The following IGF2 variants were observed in gnomAD, a reference collection of about 807,000 sequenced individuals.
IGF2 encodes insulin-like growth factor 2.
A neutral mutation model predicts 12.0 loss-of-function variants in IGF2; 2 were observed. That is an observed-to-expected ratio of 0.17 (90% CI 0.07 to 0.52). IGF2 has a LOEUF of 0.52. Among genes scored for constraint, IGF2 ranks in the 20% least tolerant of loss-of-function variants. The pLI is 0.95. For missense variants in IGF2, 211 were observed against 268.0 expected (o/e 0.79, Z 1.48); for synonymous variants, 105 against 110.1 (o/e 0.95, Z 0.29).
At chr11:2,135,257 C>G in intron 2 of IGF2, 110 bp downstream of exon 2, 2 of 1,005,190 alleles carry the variant, frequency 2.0e-6, no homozygotes, top group Middle Eastern at 3.0e-4. Context: ...TCAGAGCAAG[C>G]GGCTGGGCTG....
Position 2,132,156 on chromosome 11 carries a change from T to C in IGF2, c.*831A>G, listed in dbSNP as rs1285213684. 1 of 208,058 alleles carries C rather than the reference T, an allele frequency of 4.8e-6. No homozygotes were observed. Among genetic ancestry groups the C allele is most frequent in the African/African-American group, 2.3e-5 (1 of 43,830 alleles). 12.9% of individuals were successfully genotyped at this position (208,058 alleles called of 1,614,324 possible). ...GTGCTTTTTAGGATGGGAATTGAGA[T>C]GTAAGATTTGGGGGTGAGGGTCGTG... is the stretch of plus-strand genomic sequence containing the variant. On this transcript the variant is annotated 3_prime_UTR_variant, in exon 4 of 4. Coordinates refer to ENST00000416167, the MANE Select transcript of IGF2 (RefSeq NM_000612.6).
the IGF2 span, chr11:2,149,143 C>G: frequency 1.2e-6 from 2 of 1,613,226 alleles, no homozygotes; most frequent in Admixed American, 3.3e-5. Context: ...CTAGTCCCTG[C>G]GCAGTCCCCG....
rs375974447 is a variant in IGF2 at position 2,133,704 on chromosome 11, C to T, written c.158-39G>A. 25 of 1,607,794 alleles carry T rather than the reference C, an allele frequency of 1.6e-5. No homozygotes were observed. The highest frequency in any genetic ancestry group is 3.3e-5 in the South Asian group (3 of 90,378). ...AGCACAGAGAGAGCCGTGTTAGCACCGCACTGACCCCAGCCCCCGGAGGCT... is the reference window on the plus strand; with the variant it reads ...AGCACAGAGAGAGCCGTGTTAGCACTGCACTGACCCCAGCCCCCGGAGGCT... On this transcript the variant is annotated intron_variant, in intron 2 of 3. Transcript: ENST00000416167. This position sits in a 1 kb window ranked among gnomAD's most constrained non-coding sequence, Gnocchi z 8.9.
chr11:2,140,582 G>A, upstream of IGF2: 2 of 496,464 alleles, frequency 4.0e-6, no homozygotes, highest in Admixed American at 3.0e-5. Flanking sequence ...CCTCGCCCCA[G>A]CCCCCTGCCC....
chr11:2,138,008 C>G (rs542756987), intron 1 of IGF2, among the ~76,000 whole-genome samples: 1 of 152,146 alleles, frequency 6.6e-6, no homozygotes, highest in Non-Finnish European at 1.5e-5. Context: ...CCCCACCCCA[C>G]CCCCAGCTCC....
At chr11:2,141,536 G>GA (rs1344857997), upstream of IGF2, among the ~76,000 whole-genome samples, 1 of 152,210 alleles carries the variant, frequency 6.6e-6, no homozygotes, top group Non-Finnish European at 1.5e-5. Flanking sequence ...TTCTCCATAT[G>GA]AAATTGGGAA....
chr11:2,140,765 G>A (rs1444477190), upstream of IGF2: 2 of 323,850 alleles, frequency 6.2e-6, no homozygotes, highest in Non-Finnish European at 1.2e-5. Flanking sequence ...AGCCGGAGAC[G>A]AGCGCCAGCA....
rs767815580 is a variant in IGF2 at position 2,133,032 on chromosome 11, G to A, written c.498C>T (p.Pro166=). 5 of 1,566,550 alleles carry A rather than the reference G, an allele frequency of 3.2e-6. No homozygotes were observed. The highest frequency in any genetic ancestry group is 1.9e-5 in the Admixed American group (1 of 51,762). Residue 166 remains proline (P), a synonymous_variant, in exon 4 of 4, where the codon CCC becomes CCT. Coordinates refer to ENST00000416167, the MANE Select transcript of IGF2 (RefSeq NM_000612.6). The surrounding 1 kb of genome is among the most constrained non-coding windows in gnomAD (Gnocchi z 8.9). ...TCTCTGGGGGGGCGCCCCCGTGGGC[G>A]GGGTCTTGGGTGGGTAGAGCAATCA... ...RPLIALPTQD[P]AHGGAPPEMA...
At chr11:2,145,588 C>T (rs1859871093), upstream of IGF2, among the ~76,000 whole-genome samples, 1 of 152,214 alleles carries the variant, frequency 6.6e-6, no homozygotes, top group African/African-American at 2.4e-5. Context: ...GGTGCCTTCC[C>T]CCAGGGGGCC....
chr11:2,137,339 C>T, intron 1 of IGF2: 2 of 807,762 alleles, frequency 2.5e-6, no homozygotes, highest in Non-Finnish European at 3.0e-6. Context: ...TCCTCCCAGC[C>T]CGGGCTCCAC....
intron 2 of IGF2, among the ~76,000 whole-genome samples, chr11:2,134,364 G>A (rs1191660231): frequency 6.6e-6 from 1 of 152,218 alleles, no homozygotes; most frequent in Non-Finnish European, 1.5e-5. Context: ...TCTCAGGAAA[G>A]CCTGGTGCAG....
At chr11:2,146,332 G>A in the IGF2 span, 1 of 535,974 alleles carries the variant, frequency 1.9e-6, no homozygotes, top group Admixed American at 1.9e-5. Context: ...GGTCCTCAGA[G>A]CGCCCCTCCG....
the IGF2 span, chr11:2,146,402 GGAA>G: frequency 1.1e-5 from 6 of 534,464 alleles, no homozygotes; most frequent in African/African-American, 1.2e-4. Context: ...CCCTCGCTGG[GGAA>G]GGACACACTC....
At chr11:2,137,345 T>C (rs1198398782) in intron 1 of IGF2, 1 of 745,556 alleles carries the variant, frequency 1.3e-6, no homozygotes, top group Non-Finnish European at 1.6e-6. Flanking sequence ...CAGCCCGGGC[T>C]CCACCCTACC....
At chr11:2,146,042 C>T (rs1254811524), upstream of IGF2, among the ~76,000 whole-genome samples, 1 of 152,114 alleles carries the variant, frequency 6.6e-6, no homozygotes, top group South Asian at 2.1e-4. Context: ...CGCCCCCCAG[C>T]CCTGAACCAG....
Position 2,133,533 on chromosome 11 carries a change from G to C in IGF2, c.290C>G (p.Pro97Arg). 6.2e-7 allele frequency: 1 copy of C among 1,612,326 alleles called. No homozygotes were observed. The highest frequency in any genetic ancestry group is 8.5e-7 in the Non-Finnish European group (1 of 1,179,574). Residue 97 changes from proline (P) to arginine (R), a missense_variant, in exon 3 of 4, where the codon CCT (proline) becomes CGT (arginine). Physicochemically the swap from Pro to Arg is moderately radical, Grantham distance 103. Coordinates refer to ENST00000416167, the MANE Select transcript of IGF2 (RefSeq NM_000612.6). The surrounding 1 kb of genome is among the most constrained non-coding windows in gnomAD (Gnocchi z 8.9). ...PAKSERDVST[P>R]PTVLPDNFPR... is the part of the protein sequence containing the mutation. ...GACCCTCACCGGAAGCACGGTCGGA[G>C]GGGTCGACACGTCCCTCTCGGACTT...
rs139383676 is a variant in IGF2 at position 2,133,379 on chromosome 11, C to T, written c.306+138G>A. The T allele has an allele frequency of 1.2e-4, 135 of 1,095,170 alleles. 1 individual carries two copies. In the East Asian group the frequency reaches 3.3e-3, roughly 26 times the overall value. The allele number at this position is 1,095,170 out of a possible 1,614,324, so 67.8% of individuals were successfully genotyped here. On this transcript the variant is annotated intron_variant, in intron 3 of 3. Coordinates refer to ENST00000416167, the MANE Select transcript of IGF2 (RefSeq NM_000612.6). The surrounding 1 kb of genome is among the most constrained non-coding windows in gnomAD (Gnocchi z 8.9). ...AGAAGGAGCCAGCGTCTGAGCTGCT[C>T]CCGGGCCACACAGCAAGCAAGGAAG...
Position 2,139,023 on chromosome 11 carries a change from C to A in IGF2, c.-801G>T. On this transcript the variant is annotated 5_prime_UTR_variant, in exon 1 of 4. Coordinates refer to ENST00000416167, the MANE Select transcript of IGF2 (RefSeq NM_000612.6). ...GGACGCAGCGCGGAAAGGGGAGCGG[C>A]CCGAGGCTGCGCGCCGGGGGGAGGG... The A allele has an allele frequency of 3.3e-6, 3 of 919,996 alleles. No individual in the cohort carries two copies. The highest frequency in any genetic ancestry group is 3.8e-6 in the Non-Finnish European group (3 of 785,278). The allele number at this position is 919,996 out of a possible 1,614,324, so 57.0% of individuals were successfully genotyped here.
rs1007431196 is a variant in IGF2 at position 2,129,667 on chromosome 11, C to A, written c.*3320G>T. On this transcript the variant is annotated 3_prime_UTR_variant, in exon 4 of 4. Transcript: ENST00000416167. The surrounding 1 kb of genome is among the most constrained non-coding windows in gnomAD (Gnocchi z 8.1). The stretch of plus-strand genomic sequence containing the variant: ...TTCCGAATGGCCCACTCACAGGGCG[C>A]TTGCCGAGGGACCCTCTGCGACTGA... 1.3e-5 allele frequency: 3 copies of A among 231,534 alleles called. No individual in the cohort carries two copies. Among genetic ancestry groups the A allele is most frequent in the African/African-American group, 2.2e-5 (1 of 45,244 alleles). 14.3% of individuals were successfully genotyped at this position (231,534 alleles called of 1,614,324 possible).
Sources: gnomAD v4.1 joint callset for allele counts (sites outside exome capture counted in the v4.1 genomes callset) on GRCh38, gnomAD v4.1.1 for gene constraint, Gnocchi (gnomAD v3.1) non-coding constraint, MANE v1.5 for transcripts, NCBI Gene and HGNC (gene_info 2026-07-23, HGNC 2026-07-21) for gene names.